The following THRB variants were observed in gnomAD, a reference collection of about 807,000 sequenced individuals.
The protein encoded by THRB is nuclear receptor subfamily 1 group A member 2.
Under a neutral mutation model 47.8 loss-of-function variants are expected in THRB, and 12 were observed. The observed-to-expected ratio is 0.25, with a 90% CI of 0.16 to 0.41. The LOEUF (loss-of-function observed/expected upper bound fraction) is 0.41, where lower values mean the gene tolerates loss of function less well. Ranked by LOEUF, THRB falls within the 10% of genes least tolerant of loss-of-function variation. THRB has a pLI of 1.00. For missense variants in THRB, 348 were observed against 589.2 expected (o/e 0.59, Z 4.24); for synonymous variants, 218 against 212.2 (o/e 1.03, Z -0.24).
chr3:24,330,041 C>T (rs2061817674), intron 2 of THRB, among the ~76,000 whole-genome samples: 1 of 152,092 alleles, frequency 6.6e-6, no homozygotes, highest in African/African-American at 2.4e-5. Flanking sequence ...CGCGGTGGCT[C>T]ACGCCTGTAA....
intron 7 of THRB, 56 bp from the exon 8 acceptor site, chr3:24,143,762 AAGCTGCACTTCCTGGAGCC>A (rs2035748551): frequency 6.3e-7 from 1 of 1,580,788 alleles, no homozygotes; most frequent in Non-Finnish European, 8.7e-7. Context: ...GATACACAGC[AAGCTGCACTTCCTGGAGCC>A]TCAGGAGTGG....
At chr3:24,232,246 C>G (rs141627236) in intron 3 of THRB, among the ~76,000 whole-genome samples, 1 of 152,212 alleles carries the variant, frequency 6.6e-6, no homozygotes, top group African/African-American at 2.4e-5. Context: ...GTTTGGTTAT[C>G]GCGAGGCCTT....
chr3:24,214,072 C>T (rs1359419998), intron 4 of THRB, among the ~76,000 whole-genome samples: 1 of 152,182 alleles, frequency 6.6e-6, no homozygotes, highest in Non-Finnish European at 1.5e-5. Flanking sequence ...TAATGATCAT[C>T]TCCGTTTCAC....
chr3:24,447,993 C>T lies in THRB; in HGVS notation c.-261+46659G>A, dbSNP rs966115329. 3.3e-5 allele frequency among the ~76,000 whole-genome samples: 5 copies of T among 152,048 alleles called. No individual in the cohort carries two copies. In the East Asian group the frequency reaches 5.8e-4, roughly 18 times the overall value. ...TGAAGTACCTTCCTGCCCTTGATGA[C>T]GAATTCTTTCTTTCTTTGAAACCTG... On this transcript the variant is annotated intron_variant, in intron 1 of 10. Transcript: ENST00000646209.
intron 1 of THRB, among the ~76,000 whole-genome samples, chr3:24,388,047 G>T (rs536930449): frequency 2.0e-5 from 3 of 152,202 alleles, no homozygotes; most frequent in African/African-American, 7.2e-5. Flanking sequence ...GCACCACCCA[G>T]ATCTCCTTCA....
At chr3:24,228,375 T>C (rs1015196863) in intron 4 of THRB, among the ~76,000 whole-genome samples, 48 of 152,202 alleles carry the variant, frequency 3.2e-4, no homozygotes, top group Non-Finnish European at 2.1e-4. Context: ...ATTCTGACTC[T>C]ACTGCTGAAT....
chr3:24,297,459 C>G (rs1012583642), intron 2 of THRB, 88 bp from the exon 3 acceptor site: 5 of 152,218 alleles, frequency 3.3e-5, no homozygotes, highest in Non-Finnish European at 7.3e-5. Flanking sequence ...CTGTCCTTGC[C>G]CCTGCCATTT....
intron 1 of THRB, among the ~76,000 whole-genome samples, chr3:24,362,861 T>C (rs955865620): frequency 6.6e-6 from 1 of 152,140 alleles, no homozygotes; most frequent in Admixed American, 6.6e-5. Context: ...AAGACATGTA[T>C]AATAACATTT....
intron 1 of THRB, among the ~76,000 whole-genome samples, chr3:24,439,587 C>T (rs1435523965): frequency 6.6e-6 from 1 of 152,200 alleles, no homozygotes; most frequent in Non-Finnish European, 1.5e-5. Context: ...CAAAAGACTT[C>T]ACAATTCTGT....
intron 1 of THRB, among the ~76,000 whole-genome samples, chr3:24,421,111 T>C (rs1461440264): frequency 1.3e-5 from 2 of 151,828 alleles, no homozygotes; most frequent in Admixed American, 6.6e-5. Flanking sequence ...GAAAATCAAA[T>C]ACTTGATGTC....
At chr3:24,166,172 C>G (rs1036244180) in intron 5 of THRB, among the ~76,000 whole-genome samples, 3 of 152,208 alleles carry the variant, frequency 2.0e-5, no homozygotes, top group African/African-American at 7.2e-5. Context: ...TGATTATTTT[C>G]TACTTCATAA....
chr3:24,181,298 T>G (rs572872099), intron 5 of THRB, among the ~76,000 whole-genome samples: 23 of 152,280 alleles, frequency 1.5e-4, no homozygotes, highest in African/African-American at 5.5e-4. Context: ...TAGATTCATC[T>G]ATTTGATTTC....
chr3:24,312,208 T>C (rs780360804), intron 2 of THRB, among the ~76,000 whole-genome samples: 3 of 152,232 alleles, frequency 2.0e-5, no homozygotes, highest in Admixed American at 6.5e-5. Flanking sequence ...GCCCCACCCA[T>C]GTGGGGGGTG....
chr3:24,365,242 C>T (rs2064374101), intron 1 of THRB, among the ~76,000 whole-genome samples: 1 of 152,108 alleles, frequency 6.6e-6, no homozygotes, highest in African/African-American at 2.4e-5. Flanking sequence ...ATCAAGTTTA[C>T]CCCCCTACCA....
At chr3:24,276,385 T>C (rs907059083) in intron 3 of THRB, among the ~76,000 whole-genome samples, 3 of 152,218 alleles carry the variant, frequency 2.0e-5, no homozygotes, top group African/African-American at 7.2e-5. Flanking sequence ...TTTTCAATAG[T>C]GCAGTGATTA....
intron 1 of THRB, among the ~76,000 whole-genome samples, chr3:24,358,948 C>T (rs1415974311): frequency 6.6e-6 from 1 of 152,094 alleles, no homozygotes; most frequent in Non-Finnish European, 1.5e-5. Context: ...TTGATATACA[C>T]AAATAAAATG....
intron 5 of THRB, among the ~76,000 whole-genome samples, chr3:24,153,273 G>A (rs1470875763): frequency 6.6e-6 from 1 of 152,136 alleles, no homozygotes; most frequent in Non-Finnish European, 1.5e-5. Context: ...GCAGAGGTTT[G>A]GCCTTCCTCA....
intron 1 of THRB, among the ~76,000 whole-genome samples, chr3:24,347,706 TC>T (rs2063111735): frequency 6.6e-6 from 1 of 151,570 alleles, no homozygotes; most frequent in Non-Finnish European, 1.5e-5. Flanking sequence ...CATGAACACT[TC>T]ATGGCAATAT....
At chr3:24,296,832 A>C (rs371701565) in intron 3 of THRB, among the ~76,000 whole-genome samples, 2 of 152,368 alleles carry the variant, frequency 1.3e-5, no homozygotes, top group East Asian at 3.9e-4. Flanking sequence ...TTTGAGTTTC[A>C]GGGAACTCAG....
Sources: allele counts gnomAD v4.1 joint callset (sites outside exome capture counted in the v4.1 genomes callset), GRCh38; gene constraint gnomAD v4.1.1; transcripts MANE v1.5; gene names NCBI Gene and HGNC (gene_info 2026-07-23, HGNC 2026-07-21).